Variants in LPIN1 observed in about 807,000 individuals in gnomAD.
The protein encoded by LPIN1 is phosphatidate phosphatase LPIN1.
Under a neutral mutation model 107.5 loss-of-function variants are expected in LPIN1, and 71 were observed. The ratio of observed to expected loss-of-function variants is 0.66; its 90% confidence interval spans 0.55 to 0.80. LPIN1 has a LOEUF of 0.80. LPIN1 is among the 30% of genes least tolerant of loss of function. The probability of loss-of-function intolerance (pLI) is 0.00; values close to 1 mark genes in which losing one functional copy is unlikely to be tolerated. For synonymous variants in LPIN1, 445 were observed against 452.6 expected, an observed-to-expected ratio of 0.98 and a Z score of 0.21; for missense variants, 1,043 against 1,160.6, an observed-to-expected ratio of 0.90 and a Z score of 1.47.
At chr2:11,808,216 C>T (rs1207327345) in intron 17 of LPIN1, among the ~76,000 whole-genome samples, 8 of 152,156 alleles carry the variant, frequency 5.3e-5, no homozygotes, top group African/African-American at 1.4e-4. Context: ...TTGTTGGCCT[C>T]GGTCCCCATC....
At chr2:11,754,731 G>A (rs1668398303) in intron 1 of LPIN1, among the ~76,000 whole-genome samples, 2 of 152,148 alleles carry the variant, frequency 1.3e-5, no homozygotes, top group South Asian at 4.1e-4. Context: ...AGCCTGGTGG[G>A]CTCAGTCAGA....
chr2:11,687,121 T>C (rs6432227), intron 1 of LPIN1, among the ~76,000 whole-genome samples: 81,442 of 150,888 alleles, frequency 0.54, 22,840 homozygotes, highest in African/African-American at 0.7. Flanking sequence ...CCTCAGCCTC[T>C]TAAGTAGCTG....
Position 11,776,194 on chromosome 2 carries a change from G to A in LPIN1, c.830+1G>A. 6.6e-7 allele frequency: 1 copy of A among 1,523,434 alleles called. No homozygotes were observed. Among genetic ancestry groups the A allele is most frequent in the Non-Finnish European group, 8.9e-7 (1 of 1,125,758 alleles). 94.4% of individuals were successfully genotyped at this position (1,523,434 alleles called of 1,614,324 possible). ...CTTCCCTGTTCCATCCTTCGGAAAG[G>A]TAGAGGAGTTATTTTCCCCATTGGG... On this transcript the variant is annotated splice_donor_variant, in intron 6 of 20. Coordinates refer to ENST00000674199, the MANE Select transcript of LPIN1 (RefSeq NM_001349206.2). LOFTEE classifies it high-confidence loss of function.
intron 1 of LPIN1, among the ~76,000 whole-genome samples, chr2:11,749,173 A>G (rs1667414244): frequency 6.6e-6 from 1 of 152,192 alleles, no homozygotes; most frequent in Non-Finnish European, 1.5e-5. Context: ...AAAGCCGTTC[A>G]GTGACGTCAC....
chr2:11,784,530 C>G (rs1455816834), intron 9 of LPIN1, among the ~76,000 whole-genome samples: 1 of 152,092 alleles, frequency 6.6e-6, no homozygotes, highest in Non-Finnish European at 1.5e-5. Context: ...CCCTTTTTTC[C>G]CCCAGGAGGG....
chr2:11,794,039 T>C (rs1357506068), intron 13 of LPIN1, among the ~76,000 whole-genome samples: 1 of 152,230 alleles, frequency 6.6e-6, no homozygotes, highest in Non-Finnish European at 1.5e-5. Flanking sequence ...ATGCCATTAG[T>C]TGAAAGGGAA....
chr2:11,767,788 CTG>C lies in LPIN1; in HGVS notation c.221_222del (p.Val74GlyfsTer9). 1 of 1,611,752 alleles carries C rather than the reference CTG, an allele frequency of 6.2e-7. No individual in the cohort carries two copies. Among genetic ancestry groups the C allele is most frequent in the East Asian group, 2.2e-5 (1 of 44,884 alleles). ...GTTGACATAGAAATCAATGGGGAATCTGTGGATTTGCATATGAAATTGGGAGA... is the reference window on the plus strand; with the variant it reads ...GTTGACATAGAAATCAATGGGGAATCTGGATTTGCATATGAAATTGGGAGA... On this transcript the variant is annotated frameshift_variant, in exon 3 of 21. Coordinates refer to ENST00000674199, the MANE Select transcript of LPIN1 (RefSeq NM_001349206.2). LOFTEE classifies it high-confidence loss of function.
chr2:11,717,104 A>T (rs1423418676), intron 2 of LPIN1, among the ~76,000 whole-genome samples: 1 of 152,014 alleles, frequency 6.6e-6, no homozygotes, highest in Non-Finnish European at 1.5e-5. Context: ...CTTTGTCTAG[A>T]TTTACATTTA....
rs573730956 is a variant in LPIN1 at position 11,740,096 on chromosome 2, C to G, written c.-71-1253C>G. 3.3e-5 allele frequency among the ~76,000 whole-genome samples: 5 copies of G among 152,328 alleles called. No individual in the cohort carries two copies. In the South Asian group the frequency reaches 8.3e-4, roughly 25 times the overall value. ...CTGAGAACCTGAGGGGCCATCGGTGCAGGTCCTGGAGTCCGACGGCTGGAG... is the reference window on the plus strand; with the variant it reads ...CTGAGAACCTGAGGGGCCATCGGTGGAGGTCCTGGAGTCCGACGGCTGGAG... On this transcript the variant is annotated intron_variant, in intron 1 of 21. Transcript: ENST00000396097.
intron 1 of LPIN1, among the ~76,000 whole-genome samples, chr2:11,685,397 C>G (rs1377474527): frequency 6.6e-6 from 1 of 152,100 alleles, no homozygotes; most frequent in East Asian, 1.9e-4. Flanking sequence ...GCTTTCGGGG[C>G]AGGGCAGACA....
intron 1 of LPIN1, among the ~76,000 whole-genome samples, chr2:11,757,101 T>C (rs1449739501): frequency 6.6e-6 from 1 of 152,160 alleles, no homozygotes; most frequent in East Asian, 1.9e-4. Context: ...TAAAATCCCG[T>C]GAGGTGAAGC....
chr2:11,738,900 C>T (rs1011590987), intron 1 of LPIN1, among the ~76,000 whole-genome samples: 1 of 152,210 alleles, frequency 6.6e-6, no homozygotes, highest in Non-Finnish European at 1.5e-5. Context: ...GCAGGCAGAA[C>T]GATCTCCAGA....
upstream of LPIN1, among the ~76,000 whole-genome samples, chr2:11,741,699 T>C (rs1666380798): frequency 6.6e-6 from 1 of 152,106 alleles, no homozygotes; most frequent in Non-Finnish European, 1.5e-5. Flanking sequence ...TAGTCCCAGC[T>C]AGTCAGGAGG....
Position 11,824,937 on chromosome 2 carries a change from C to T in LPIN1, c.*146C>T. ...CAGAGAGAATTGAGAAGCATTTCTC[C>T]CCTGCCCCACCCCGGGGCTGACATT... On this transcript the variant is annotated 3_prime_UTR_variant, in exon 21 of 21. Transcript: ENST00000674199. 2.3e-6 allele frequency: 2 copies of T among 875,662 alleles called. No homozygotes were observed. The highest frequency in any genetic ancestry group is 3.6e-6 in the Non-Finnish European group (2 of 561,228). 54.2% of individuals were successfully genotyped at this position (875,662 alleles called of 1,614,324 possible).
At chr2:11,723,371 A>G (rs1352817740), upstream of LPIN1, 2 of 152,294 alleles carry the variant, frequency 1.3e-5, no homozygotes, top group African/African-American at 4.8e-5. Flanking sequence ...AAGACTGGGA[A>G]GGCGGGCTGG....
intron 17 of LPIN1, among the ~76,000 whole-genome samples, chr2:11,806,181 ATC>A (rs1225982673): frequency 1.3e-5 from 2 of 152,330 alleles, no homozygotes; most frequent in East Asian, 3.9e-4. Flanking sequence ...TTGTTTGCTC[ATC>A]TCTAGCCCAC....
intron 12 of LPIN1, among the ~76,000 whole-genome samples, chr2:11,788,846 T>C (rs1311654722): frequency 6.6e-6 from 1 of 152,158 alleles, no homozygotes; most frequent in Non-Finnish European, 1.5e-5. Context: ...CTGTGTCAAG[T>C]GTCAAGTGTC....
intron 7 of LPIN1, among the ~76,000 whole-genome samples, chr2:11,779,959 C>T (rs747024656): frequency 2.0e-5 from 3 of 151,958 alleles, no homozygotes; most frequent in Non-Finnish European, 4.4e-5. Flanking sequence ...TGGCTCACTG[C>T]AACCTCTGCC....
In LPIN1 at chr2:11,779,602, C is replaced by T; in HGVS notation, c.914C>T (p.Pro305Leu). ...ACGGAAAGGACAGGGCAGAAGAACC[C>T]AGAAATGCTTTGGCTGTGGGGAGAG... The part of the protein sequence containing the change: ...KSTERTGQKN[P>L]EMLWLWGELP... The change falls in exon 7 of 21, where the codon CCA becomes CTA. Residue 305 changes from proline to leucine, a missense_variant. Transcript: ENST00000674199. The T allele has an allele frequency of 1.2e-6, 2 of 1,614,112 alleles. No homozygotes were observed. Among genetic ancestry groups the T allele is most frequent in the Non-Finnish European group, 1.7e-6 (2 of 1,180,016 alleles).
Sources: gnomAD v4.1 joint callset for allele counts (sites outside exome capture counted in the v4.1 genomes callset) on GRCh38, gnomAD v4.1.1 for gene constraint, MANE v1.5 for transcripts, NCBI Gene and HGNC (gene_info 2026-07-23, HGNC 2026-07-21) for gene names.